The following NCKAP5 variants were observed in gnomAD, a reference collection of about 807,000 sequenced individuals.
NCKAP5 encodes the protein nck-associated protein 5.
In NCKAP5, 92 loss-of-function variants were observed where a neutral mutation model predicts 167.0. The observed-to-expected ratio is 0.55, with a 90% CI of 0.47 to 0.66. The LOEUF is 0.66. NCKAP5 is among the 30% of genes least tolerant of loss of function. NCKAP5 has a pLI of 0.00. For missense variants in NCKAP5, 2,378 were observed against 2,315.0 expected (o/e 1.03, Z -0.56); for synonymous variants, 891 against 877.4 (o/e 1.02, Z -0.27).
intron 14 of NCKAP5, 143 bp from the exon 15 acceptor site, chr2:132,781,372 G>A: frequency 1.5e-6 from 1 of 663,322 alleles, no homozygotes. Flanking sequence ...TTTCTCATGG[G>A]CCTTGATCAA....
In NCKAP5 at chr2:132,784,443, C is replaced by A; in HGVS notation, c.2368G>T (p.Ala790Ser). ...TGCTTTTGATAGATGCCCATGGGTG[C>A]CGAAGACCTGGAATTACTCTGGCAT... ...ISCQSNSRSS[A>S]PMGIYQKQNL... The change falls in exon 14 of 20, where the codon GCA becomes TCA. Residue 790 changes from alanine to serine, a missense_variant. By Grantham distance (99) the Ala-to-Ser change is moderately conservative. This residue lies in a region of NCKAP5 where 1,049 missense variants were observed against 1,023.4 expected (regional missense o/e 1.02). Coordinates refer to ENST00000409261, the MANE Select transcript of NCKAP5 (RefSeq NM_207363.3). 6.2e-7 allele frequency: 1 copy of A among 1,606,630 alleles called. No individual in the cohort carries two copies. Among genetic ancestry groups the A allele is most frequent in the South Asian group, 1.1e-5 (1 of 89,818 alleles).
At chr2:133,540,016 T>C (rs927091783) in intron 2 of NCKAP5, among the ~76,000 whole-genome samples, 1 of 152,018 alleles carries the variant, frequency 6.6e-6, no homozygotes, top group South Asian at 2.1e-4. Context: ...CCATCTCTAC[T>C]AAAAATACAT....
At chr2:133,415,125 C>A (rs1450027392) in intron 3 of NCKAP5, among the ~76,000 whole-genome samples, 1 of 152,154 alleles carries the variant, frequency 6.6e-6, no homozygotes, top group Non-Finnish European at 1.5e-5. Flanking sequence ...AACCCCATTG[C>A]CCCCGCTGAT....
At chr2:133,329,211 T>A (rs1445275125) in intron 3 of NCKAP5, among the ~76,000 whole-genome samples, 1 of 152,106 alleles carries the variant, frequency 6.6e-6, no homozygotes, top group Non-Finnish European at 1.5e-5. Flanking sequence ...TGGGTCTGCT[T>A]TCCTTTTTCA....
Position 132,856,867 on chromosome 2 carries a change from C to T in NCKAP5, c.807+3625G>A, listed in dbSNP as rs182736419. ...ATTTATGTTCCACGCAGAGGGAGCACCAATTGGAGGCGAAAGGGGGGACTT... is the reference window on the plus strand; with the variant it reads ...ATTTATGTTCCACGCAGAGGGAGCATCAATTGGAGGCGAAAGGGGGGACTT... On this transcript the variant is annotated intron_variant, in intron 11 of 19. Transcript: ENST00000409261. Among the ~76,000 whole-genome samples the T allele has an allele frequency of 9.0e-4, 137 of 152,248 alleles. 1 individual carries two copies. Among genetic ancestry groups the T allele is most frequent in the African/African-American group, 3.1e-3 (130 of 41,554 alleles).
Position 132,783,823 on chromosome 2 carries a change from A to G in NCKAP5, c.2988T>C (p.Pro996=). ...AGATAGGCTTTTTGAAGGCCACAGA[A>G]GGTTTCTTCCTCTGCACTTCTGTCG... is the stretch of plus-strand genomic sequence containing the variant. ...PATTEVQRKK[P]SVAFKKPIFT... Residue 996 remains proline (P), a synonymous_variant, in exon 14 of 20, where the codon CCT becomes CCC. Coordinates refer to ENST00000409261, the MANE Select transcript of NCKAP5 (RefSeq NM_207363.3). 1 of 1,534,594 alleles carries G rather than the reference A, an allele frequency of 6.5e-7. No individual in the cohort carries two copies. The highest frequency in any genetic ancestry group is 2.1e-5 in the Admixed American group (1 of 47,466).
intron 5 of NCKAP5, among the ~76,000 whole-genome samples, chr2:133,160,435 T>C (rs202197490): frequency 6.1e-4 from 51 of 84,244 alleles, no homozygotes; most frequent in East Asian, 2.8e-3. Context: ...TTTCCTTTCT[T>C]TTTCTTTTTT....
intron 5 of NCKAP5, among the ~76,000 whole-genome samples, chr2:133,170,229 T>A (rs2149985716): frequency 6.6e-6 from 1 of 152,244 alleles, no homozygotes; most frequent in African/African-American, 2.4e-5. Context: ...GTGCAACGGC[T>A]GGGAACGTGG....
At chr2:133,607,811 A>G in the NCKAP5 span, among the ~76,000 whole-genome samples, 2 of 152,152 alleles carry the variant, frequency 1.3e-5, no homozygotes, top group African/African-American at 4.8e-5. Flanking sequence ...CACCACTGAC[A>G]TTCCTATCCA....
At chr2:133,589,277 T>G in the NCKAP5 span, among the ~76,000 whole-genome samples, 23 of 151,958 alleles carry the variant, frequency 1.5e-4, no homozygotes, top group Non-Finnish European at 2.9e-5. Flanking sequence ...TCTGACACAG[T>G]AATGAAGTAA....
intron 7 of NCKAP5, among the ~76,000 whole-genome samples, chr2:132,981,566 G>A (rs1245239445): frequency 1.3e-5 from 2 of 152,022 alleles, no homozygotes; most frequent in East Asian, 1.9e-4. Flanking sequence ...TCTTTCCCCC[G>A]GTTCACCCAG....
chr2:132,929,626 TTAGGGTC>T (rs1173738757), intron 8 of NCKAP5, among the ~76,000 whole-genome samples: 1 of 152,134 alleles, frequency 6.6e-6, no homozygotes, highest in Non-Finnish European at 1.5e-5. Context: ...GAACAGTTCT[TTAGGGTC>T]TAGGAGCAAG....
chr2:132,996,476 C>T (rs1052714449), intron 6 of NCKAP5, among the ~76,000 whole-genome samples: 2 of 152,110 alleles, frequency 1.3e-5, no homozygotes, highest in Non-Finnish European at 2.9e-5. Flanking sequence ...TTTCATCTTC[C>T]TATATTTCAA....
At chr2:132,682,635 T>C (rs1476623387) in intron 19 of NCKAP5, among the ~76,000 whole-genome samples, 1 of 152,170 alleles carries the variant, frequency 6.6e-6, no homozygotes, top group Non-Finnish European at 1.5e-5. Context: ...GGTCTAATAA[T>C]GGCACCTAGA....
chr2:133,115,472 G>C (rs890481607), intron 6 of NCKAP5, among the ~76,000 whole-genome samples: 38 of 152,022 alleles, frequency 2.5e-4, no homozygotes, highest in Non-Finnish European at 8.8e-5. Context: ...ATTGCAGTTA[G>C]ATTTACTGGT....
chr2:133,546,937 G>T (rs13005808), intron 2 of NCKAP5, among the ~76,000 whole-genome samples: 41,880 of 152,020 alleles, frequency 0.28, 6,293 homozygotes, highest in East Asian at 0.38. Flanking sequence ...CACAGAAGAC[G>T]GGTGATTTCT....
At chr2:133,058,617 C>T (rs2079882304) in intron 6 of NCKAP5, among the ~76,000 whole-genome samples, 1 of 152,102 alleles carries the variant, frequency 6.6e-6, no homozygotes, top group Non-Finnish European at 1.5e-5. Context: ...AAAACATAAA[C>T]AGATAAGTTA....
chr2:133,498,495 G>C (rs904671393), intron 3 of NCKAP5, among the ~76,000 whole-genome samples: 1 of 148,346 alleles, frequency 6.7e-6, no homozygotes, highest in African/African-American at 2.5e-5. Flanking sequence ...AGGCAGGCAG[G>C]CAGGCAGGCA....
intron 6 of NCKAP5, chr2:133,117,859 G>A (rs947070820): frequency 6.6e-6 from 1 of 152,178 alleles, no homozygotes; most frequent in Admixed American, 6.5e-5. Flanking sequence ...GCAAAGGTAG[G>A]TTGGGCATTC....
Sources: gnomAD v4.1 joint callset for allele counts (sites outside exome capture counted in the v4.1 genomes callset) on GRCh38, gnomAD v4.1.1 for gene constraint, gnomAD v4.1.1 regional missense constraint, MANE v1.5 for transcripts, NCBI Gene and HGNC (gene_info 2026-07-23, HGNC 2026-07-21) for gene names.